The following CDH8 variants were observed in gnomAD, a reference collection of about 807,000 sequenced individuals.
CDH8 encodes cadherin 8.
A neutral mutation model predicts 68.1 loss-of-function variants in CDH8; 17 were observed. The observed-to-expected ratio is 0.25, with a 90% CI of 0.17 to 0.37. CDH8 has a LOEUF of 0.37. CDH8 is among the 10% of genes least tolerant of loss of function. The pLI is 1.00. For synonymous variants in CDH8, 372 were observed against 365.1 expected, an observed-to-expected ratio of 1.02 and a Z score of -0.21; for missense variants, 763 against 999.3, an observed-to-expected ratio of 0.76 and a Z score of 3.19.
rs548373856 is a variant in CDH8 at position 61,967,188 on chromosome 16, A to C, written c.252+53964T>G. On this transcript the variant is annotated intron_variant, in intron 2 of 11. Coordinates refer to ENST00000577390, the MANE Select transcript of CDH8 (RefSeq NM_001796.5). ...TGCACTCCAGATAGGGGAATAGAGT[A>C]AGATCCTGTCCCTAAAAAATAAAGA... 1.1e-4 allele frequency among the ~76,000 whole-genome samples: 16 copies of C among 152,296 alleles called. 1 individual carries two copies. The highest frequency in any genetic ancestry group is 3.8e-4 in the African/African-American group (16 of 41,574).
rs528958959 is a variant in CDH8, at chr16:61,857,059, G to C, written c.667+60C>G. On this transcript the variant is annotated intron_variant, in intron 4 of 11. Transcript: ENST00000577390. Reference sequence around the variant, plus strand: ...TAATATTTCATAACCCAAATCCCAAGAAAAGCATTTCCCTGAAGCAAAAAC... The same window carrying C: ...TAATATTTCATAACCCAAATCCCAACAAAAGCATTTCCCTGAAGCAAAAAC... 62 of 1,598,076 alleles carry C rather than the reference G, an allele frequency of 3.9e-5. 1 individual carries two copies. In the South Asian group the frequency reaches 5.7e-4, roughly 15 times the overall value.
intron 3 of CDH8, among the ~76,000 whole-genome samples, chr16:61,894,002 G>A (rs1446660697): frequency 3.3e-5 from 5 of 152,022 alleles, no homozygotes; most frequent in African/African-American, 4.8e-5. Context: ...TGGGTTAATA[G>A]TTTCATGAGG....
chr16:61,782,028 G>A (rs946342729), intron 8 of CDH8, among the ~76,000 whole-genome samples: 15 of 152,156 alleles, frequency 9.9e-5, no homozygotes, highest in Admixed American at 3.9e-4. Flanking sequence ...ATATCAACTT[G>A]ACTGCATGTT....
intron 8 of CDH8, among the ~76,000 whole-genome samples, chr16:61,773,204 C>G (rs967953398): frequency 1.3e-5 from 2 of 152,040 alleles, no homozygotes; most frequent in Non-Finnish European, 2.9e-5. Flanking sequence ...ACTTCACAAT[C>G]CTGATGAAAA....
chr16:61,896,747 G>A (rs1963875084), intron 3 of CDH8, among the ~76,000 whole-genome samples: 1 of 152,134 alleles, frequency 6.6e-6, no homozygotes, highest in African/African-American at 2.4e-5. Flanking sequence ...AGGTCCAAAG[G>A]TAAGGTGGGA....
chr16:62,000,660 A>G (rs1466156961), intron 2 of CDH8, among the ~76,000 whole-genome samples: 1 of 152,220 alleles, frequency 6.6e-6, no homozygotes, highest in African/African-American at 2.4e-5. Flanking sequence ...TAGAAAGGAG[A>G]TGCTGAAGGC....
chr16:61,911,440 G>A (rs1567524548), intron 2 of CDH8, among the ~76,000 whole-genome samples: 1 of 152,062 alleles, frequency 6.6e-6, no homozygotes, highest in South Asian at 2.1e-4. Context: ...AGTGTCTATC[G>A]CGAAAGATAG....
At chr16:61,777,879 C>A (rs933176874) in intron 8 of CDH8, among the ~76,000 whole-genome samples, 1 of 152,090 alleles carries the variant, frequency 6.6e-6, no homozygotes, top group Non-Finnish European at 1.5e-5. Context: ...TGCTGATTCC[C>A]TCCCCAGGAA....
chr16:61,908,336 C>T (rs1964098065), intron 2 of CDH8, among the ~76,000 whole-genome samples: 1 of 152,026 alleles, frequency 6.6e-6, no homozygotes, highest in Admixed American at 6.6e-5. Context: ...AGTTTTGGGC[C>T]CAAGTCTCCC....
chr16:61,989,878 C>T (rs915675033), intron 2 of CDH8, among the ~76,000 whole-genome samples: 3 of 152,112 alleles, frequency 2.0e-5, no homozygotes, highest in South Asian at 2.1e-4. Context: ...TGTCCAAGCC[C>T]GTGAATTTTG....
At chr16:61,848,177 T>C (rs1962853747) in intron 4 of CDH8, among the ~76,000 whole-genome samples, 1 of 152,112 alleles carries the variant, frequency 6.6e-6, no homozygotes, top group South Asian at 2.1e-4. Flanking sequence ...GAAAAAATCC[T>C]GATCCTACCT....
At chr16:61,750,249 C>T (rs1247597905) in intron 8 of CDH8, among the ~76,000 whole-genome samples, 1 of 152,056 alleles carries the variant, frequency 6.6e-6, no homozygotes, top group East Asian at 1.9e-4. Context: ...TTCTAACATA[C>T]CTGCTCAAGA....
At chr16:61,849,100 G>C (rs896233279) in intron 4 of CDH8, among the ~76,000 whole-genome samples, 1 of 152,034 alleles carries the variant, frequency 6.6e-6, no homozygotes, top group Non-Finnish European at 1.5e-5. Flanking sequence ...TTGTAATATT[G>C]ATTCTTCTAT....
intron 2 of CDH8, among the ~76,000 whole-genome samples, chr16:61,965,124 T>C (rs1404260395): frequency 6.6e-6 from 1 of 152,188 alleles, no homozygotes; most frequent in Non-Finnish European, 1.5e-5. Context: ...GTGTTCAAAA[T>C]ATAAGAAACA....
intron 2 of CDH8, among the ~76,000 whole-genome samples, chr16:61,976,635 A>T (rs1965439166): frequency 6.6e-6 from 1 of 152,170 alleles, no homozygotes; most frequent in African/African-American, 2.4e-5. Context: ...GCTTAAGCCA[A>T]CTGGAAGTAT....
chr16:61,894,464 C>G (rs1963836699), intron 3 of CDH8, among the ~76,000 whole-genome samples: 1 of 152,046 alleles, frequency 6.6e-6, no homozygotes, highest in African/African-American at 2.4e-5. Context: ...GATTAATTTC[C>G]TAATTTTGAT....
chr16:61,991,896 T>C (rs1304648), intron 2 of CDH8, among the ~76,000 whole-genome samples: 77,398 of 152,016 alleles, frequency 0.51, 20,923 homozygotes, highest in East Asian at 0.72. Flanking sequence ...AACTGGTCAT[T>C]TTGAAACTTT....
intron 3 of CDH8, among the ~76,000 whole-genome samples, chr16:61,857,663 A>T (rs1963071914): frequency 6.6e-6 from 1 of 152,200 alleles, no homozygotes; most frequent in Non-Finnish European, 1.5e-5. Flanking sequence ...GCTGTACAGA[A>T]ATATCAAAAG....
In CDH8 at chr16:61,714,899, G is replaced by A. The variant is rs377748761; in HGVS notation, c.1537-941C>T. Among the ~76,000 whole-genome samples the A allele has an allele frequency of 2.7e-4, 41 of 151,600 alleles. No homozygotes were observed. In the South Asian group the frequency reaches 8.5e-3, roughly 31 times the overall value. ...ATGATGTCAATGCTATTGTGTCTGTGTGAACAATTATGTCCCATTGAACTT... is the reference window on the plus strand; with the variant it reads ...ATGATGTCAATGCTATTGTGTCTGTATGAACAATTATGTCCCATTGAACTT... On this transcript the variant is annotated intron_variant, in intron 9 of 11. Coordinates refer to ENST00000577390, the MANE Select transcript of CDH8 (RefSeq NM_001796.5).
Sources: gnomAD v4.1 joint callset for allele counts (sites outside exome capture counted in the v4.1 genomes callset) on GRCh38, gnomAD v4.1.1 for gene constraint, MANE v1.5 for transcripts, NCBI Gene and HGNC (gene_info 2026-07-23, HGNC 2026-07-21) for gene names.